Variants in SLC22A7 observed in about 807,000 individuals in gnomAD.
SLC22A7 encodes the protein solute carrier family 22 member 7.
SLC22A7 carries 48 observed loss-of-function variants against 62.2 expected under a neutral mutation model. The observed-to-expected ratio is 0.77, with a 90% CI of 0.61 to 0.98. The LOEUF is 0.98. Ranked by LOEUF, SLC22A7 falls within the 50% of genes least tolerant of loss-of-function variation. The probability of loss-of-function intolerance (pLI) is 0.00; values close to 1 mark genes in which losing one functional copy is unlikely to be tolerated. For synonymous variants in SLC22A7, 276 were observed against 314.8 expected (o/e 0.88, Z 1.30); for missense variants, 581 against 703.8 (o/e 0.83, Z 1.97).
Position 43,299,744 on chromosome 6 carries a change from A to G in SLC22A7, c.621A>G (p.Ser207=). 2 of 1,614,200 alleles carry G rather than the reference A, an allele frequency of 1.2e-6. No homozygotes were observed. Among genetic ancestry groups the G allele is most frequent in the Non-Finnish European group, 1.7e-6 (2 of 1,180,030 alleles). ...CCATCACCCGCACCCTTACTGGCTC[A>G]GCCCTGGCTGGTTTTACCATCATCG... ...MFAITRTLTG[S]ALAGFTIIVM... Residue 207 remains serine (S), a synonymous_variant, in exon 4 of 11, where the codon TCA becomes TCG. Transcript: ENST00000372585. The surrounding 1 kb of genome is among the most constrained non-coding windows in gnomAD (Gnocchi z 4.4).
Position 43,302,435 on chromosome 6 carries a change from T to G in SLC22A7, c.1276+21T>G. ...CTCCGGTGAGCCCAGTCCCATAGGT[T>G]CTGCCCACCCCAGAAGCCGGGCCAG... On this transcript the variant is annotated intron_variant, in intron 8 of 10. Coordinates refer to ENST00000372585, the MANE Select transcript of SLC22A7 (RefSeq NM_153320.2). This position sits in a 1 kb window ranked among gnomAD's most constrained non-coding sequence, Gnocchi z 5.0. The G allele has an allele frequency of 1.3e-6, 2 of 1,525,900 alleles. No individual in the cohort carries two copies. The highest frequency in any genetic ancestry group is 1.8e-6 in the Non-Finnish European group (2 of 1,134,140). The allele number at this position is 1,525,900 out of a possible 1,614,324, so 94.5% of individuals were successfully genotyped here. A position where few individuals can be genotyped will look rare whatever the true frequency, so the allele number is the denominator to read the frequency against.
Position 43,303,985 on chromosome 6 carries a change from C to G in SLC22A7, c.1386-53C>G, listed in dbSNP as rs1778851616. On this transcript the variant is annotated intron_variant, in intron 9 of 10. Transcript: ENST00000372585. ...TGGAGGGAAGCCCTGTGGGGCATGA[C>G]TCCAGGTAGGTGTGAACACCATCTG... The G allele has an allele frequency of 2.3e-5, 33 of 1,418,116 alleles. No individual in the cohort carries two copies. In the South Asian group the frequency reaches 4.3e-4, roughly 19 times the overall value. The allele number at this position is 1,418,116 out of a possible 1,614,324, so 87.8% of individuals were successfully genotyped here. A position where few individuals can be genotyped will look rare whatever the true frequency, so the allele number is the denominator to read the frequency against.
Position 43,298,691 on chromosome 6 carries a change from G to T in SLC22A7, c.333G>T (p.Val111=). 1 of 1,548,646 alleles carries T rather than the reference G, an allele frequency of 6.5e-7. No individual in the cohort carries two copies. Among genetic ancestry groups the T allele is most frequent in the Non-Finnish European group, 8.7e-7 (1 of 1,146,324 alleles). ...AGCTGGAGGATGAACCTGCCACAGT[G>T]CCCTGCTCTCAGGGCTGGGAGTACG... The part of the protein sequence containing the change: ...RGELEDEPAT[V]PCSQGWEYDH... Residue 111 remains valine (V), a synonymous_variant, in exon 1 of 11, where the codon GTG becomes GTT. Transcript: ENST00000372585.
Position 43,302,484 on chromosome 6 carries a change from C to T in SLC22A7, c.1276+70C>T. On this transcript the variant is annotated intron_variant, in intron 8 of 10. Coordinates refer to ENST00000372585, the MANE Select transcript of SLC22A7 (RefSeq NM_153320.2). The surrounding 1 kb of genome is among the most constrained non-coding windows in gnomAD (Gnocchi z 5.0). ...AGGAACCCTGCCCACTCCCCGGAGA[C>T]CCCACCTCCTGGCCAAGAACCCACT... 2 of 1,381,058 alleles carry T rather than the reference C, an allele frequency of 1.4e-6. No individual in the cohort carries two copies. The highest frequency in any genetic ancestry group is 2.2e-5 in the Admixed American group (1 of 44,840). 85.6% of individuals were successfully genotyped at this position (1,381,058 alleles called of 1,614,324 possible). A position where few individuals can be genotyped will look rare whatever the true frequency, so the allele number is the denominator to read the frequency against.
chr6:43,302,838 C>T lies in SLC22A7; in HGVS notation c.1385+75C>T, dbSNP rs1445817315. The stretch of plus-strand genomic sequence containing the variant: ...GTCTTAACCAACACTTCTACATACA[C>T]GCACCACAACCTGGTCTCTCACTCA... On this transcript the variant is annotated intron_variant, in intron 9 of 10. Transcript: ENST00000372585. The surrounding 1 kb of genome is among the most constrained non-coding windows in gnomAD (Gnocchi z 5.0). 1.1e-5 allele frequency: 10 copies of T among 941,896 alleles called. No homozygotes were observed. Among genetic ancestry groups the T allele is most frequent in the South Asian group, 2.9e-5 (2 of 68,680 alleles). 58.3% of individuals were successfully genotyped at this position (941,896 alleles called of 1,614,324 possible). A position where few individuals can be genotyped will look rare whatever the true frequency, so the allele number is the denominator to read the frequency against.
upstream of SLC22A7, among the ~76,000 whole-genome samples, chr6:43,296,480 A>G (rs1778566435): frequency 6.6e-6 from 1 of 152,206 alleles, no homozygotes; most frequent in African/African-American, 2.4e-5. Flanking sequence ...GTGTTATGGT[A>G]TTTTATACAT....
chr6:43,298,704 G>A lies in SLC22A7; in HGVS notation c.346G>A (p.Gly116Ser), dbSNP rs558623833. The change falls in exon 1 of 11, where the codon GGC becomes AGC. Residue 116 changes from glycine to serine, a missense_variant. Gly to Ser is a moderately conservative substitution (Grantham distance 56). Transcript: ENST00000372585. Reference protein sequence around the residue: ...DEPATVPCSQGWEYDHSEFSS... With the variant: ...DEPATVPCSQSWEYDHSEFSS... The stretch of plus-strand genomic sequence containing the variant: ...ACCTGCCACAGTGCCCTGCTCTCAG[G>A]GCTGGGAGTACGACCACTCAGAATT... The A allele has an allele frequency of 2.6e-6, 4 of 1,537,428 alleles. No individual in the cohort carries two copies. The highest frequency in any genetic ancestry group is 2.3e-5 in the East Asian group (1 of 44,256).
chr6:43,299,868 A>AC lies in SLC22A7; in HGVS notation c.659-28dup. 1 of 1,614,136 alleles carries AC rather than the reference A, an allele frequency of 6.2e-7. No homozygotes were observed. Among genetic ancestry groups the AC allele is most frequent in the Middle Eastern group, 1.7e-4 (1 of 6,060 alleles). On this transcript the variant is annotated intron_variant, in intron 4 of 10. Coordinates refer to ENST00000372585, the MANE Select transcript of SLC22A7 (RefSeq NM_153320.2). This position sits in a 1 kb window ranked among gnomAD's most constrained non-coding sequence, Gnocchi z 4.4. ...GGCTGAGCCCATCTGGTCCTCACTA[A>AC]CCATCTTCCTGTCTCCTGTCCTGGC...
At position 43,298,759 on chromosome 6, in the gene SLC22A7, A is replaced by T; in HGVS notation, c.393+8A>T. On this transcript the variant is annotated splice_region_variant and intron_variant, in intron 1 of 10. Coordinates refer to ENST00000372585, the MANE Select transcript of SLC22A7 (RefSeq NM_153320.2). ...TCTACCATTGCAACTGAGGTACTTA[A>T]GCCCAGAAGTTGAGAGACATGTGAG... 6.6e-7 allele frequency: 1 copy of T among 1,517,796 alleles called. No homozygotes were observed. The highest frequency in any genetic ancestry group is 8.8e-7 in the Non-Finnish European group (1 of 1,134,276). 94.0% of individuals were successfully genotyped at this position (1,517,796 alleles called of 1,614,324 possible). A position where few individuals can be genotyped will look rare whatever the true frequency, so the allele number is the denominator to read the frequency against.
Position 43,299,619 on chromosome 6 carries a change from CTTTGCAGG to C in SLC22A7, c.504-3_508del. 6.2e-7 allele frequency: 1 copy of C among 1,614,190 alleles called. No individual in the cohort carries two copies. Among genetic ancestry groups the C allele is most frequent in the Non-Finnish European group, 8.5e-7 (1 of 1,180,032 alleles). On this transcript the variant is annotated splice_acceptor_variant and splice_polypyrimidine_tract_variant and coding_sequence_variant and intron_variant, in exon 4 of 11. Transcript: ENST00000372585. LOFTEE classifies it high-confidence loss of function. The surrounding 1 kb of genome is among the most constrained non-coding windows in gnomAD (Gnocchi z 4.4). The stretch of plus-strand genomic sequence containing the variant: ...ACAGGGAACTGACCCTGCATGACCC[CTTTGCAGG>C]TTTGGGCGGCGGCGTCTGCTGCTGG...
Position 43,299,485 on chromosome 6 carries a change from G to C in SLC22A7, c.495G>C (p.Leu165=). ...TGGGGGCTGTGGCCTTTGGATATCT[G>C]TCCGACAGGTGGGGTGAGGCACTGG... The part of the protein sequence containing the change: ...VLVGAVAFGY[L]SDRFGRRRLL... The change falls in exon 3 of 11, where the codon CTG becomes CTC. Residue 165 remains leucine, a synonymous_variant. Transcript: ENST00000372585. This position sits in a 1 kb window ranked among gnomAD's most constrained non-coding sequence, Gnocchi z 4.4. 1 of 1,611,896 alleles carries C rather than the reference G, an allele frequency of 6.2e-7. No individual in the cohort carries two copies. Among genetic ancestry groups the C allele is most frequent in the Non-Finnish European group, 8.5e-7 (1 of 1,178,672 alleles).
intron 1 of SLC22A7, 108 bp from the exon 2 acceptor site, chr6:43,298,984 G>A (rs941672314): frequency 1.6e-6 from 2 of 1,216,240 alleles, no homozygotes; most frequent in African/African-American, 1.5e-5. Flanking sequence ...AGGCAGGGAA[G>A]GGCTAAAGTG....
At chr6:43,297,675 C>T (rs1778590933), upstream of SLC22A7, among the ~76,000 whole-genome samples, 1 of 152,134 alleles carries the variant, frequency 6.6e-6, no homozygotes, top group Admixed American at 6.5e-5. Context: ...CAGTTGGAAC[C>T]ATATGTATGG....
chr6:43,298,494 G>A lies in SLC22A7; in HGVS notation c.136G>A (p.Ala46Thr), dbSNP rs1778613943. ...LLPIFLAAVP[A>T]HRCALPGAPA... ...GCCCATCTTCCTGGCTGCCGTGCCT[G>A]CCCACCGATGTGCCCTGCCGGGTGC... is the stretch of plus-strand genomic sequence containing the variant. Residue 46 changes from alanine (A) to threonine (T), a missense_variant, in exon 1 of 11, where the codon GCC becomes ACC. Transcript: ENST00000372585. The A allele has an allele frequency of 6.2e-7, 1 of 1,613,480 alleles. No individual in the cohort carries two copies. The highest frequency in any genetic ancestry group is 8.5e-7 in the Non-Finnish European group (1 of 1,180,032).
rs771515636 is a variant in SLC22A7, at chr6:43,302,758, G to A, written c.1380G>A (p.Val460=). Reference sequence around the variant, plus strand: ...TCACTTCAGAGTTGTACCCTACGGTGCTCAGGTGAGGAAGCCTGCAACTGA... The same window carrying A: ...TCACTTCAGAGTTGTACCCTACGGTACTCAGGTGAGGAAGCCTGCAACTGA... ...YLFTSELYPT[V]LRQTGMGLTA... Residue 460 remains valine, a synonymous_variant, in exon 9 of 11, where the codon GTG becomes GTA. Coordinates refer to ENST00000372585, the MANE Select transcript of SLC22A7 (RefSeq NM_153320.2). This position sits in a 1 kb window ranked among gnomAD's most constrained non-coding sequence, Gnocchi z 5.0. The A allele has an allele frequency of 1.7e-5, 28 of 1,603,364 alleles. No homozygotes were observed. The highest frequency in any genetic ancestry group is 2.7e-5 in the African/African-American group (2 of 74,800).
At position 43,304,990 on chromosome 6, in the gene SLC22A7, T is replaced by G; in HGVS notation, c.*265T>G. 2.9e-6 allele frequency: 1 copy of G among 344,440 alleles called. No individual in the cohort carries two copies. The highest frequency in any genetic ancestry group is 5.3e-6 in the Non-Finnish European group (1 of 190,448). The allele number at this position is 344,440 out of a possible 1,614,324, so 21.3% of individuals were successfully genotyped here. A position where few individuals can be genotyped will look rare whatever the true frequency, so the allele number is the denominator to read the frequency against. ...AAAGGTGCCCCTTGGGTTGGGGCAG[T>G]GGTGACGAGCTGTGGGAAGAGCCCT... On this transcript the variant is annotated 3_prime_UTR_variant, in exon 11 of 11. Coordinates refer to ENST00000372585, the MANE Select transcript of SLC22A7 (RefSeq NM_153320.2).
At chr6:43,297,723 G>A (rs1179398948), upstream of SLC22A7, among the ~76,000 whole-genome samples, 2 of 152,208 alleles carry the variant, frequency 1.3e-5, no homozygotes, top group African/African-American at 4.8e-5. Context: ...GGATGAGCCT[G>A]GGATCCTCAG....
In SLC22A7 at chr6:43,302,304, C is replaced by T. The variant is rs1778780961; in HGVS notation, c.1166C>T (p.Ser389Phe). 6.2e-7 allele frequency: 1 copy of T among 1,613,868 alleles called. No homozygotes were observed. The highest frequency in any genetic ancestry group is 8.5e-7 in the Non-Finnish European group (1 of 1,179,988). Reference sequence around the variant, plus strand: ...TTGTTCGGGGCTGTGGAACTGCCCTCCAAGCTGCTGGTCTACTTGTCGGTG... The same window carrying T: ...TTGTTCGGGGCTGTGGAACTGCCCTTCAAGCTGCTGGTCTACTTGTCGGTG... Reference protein sequence around the residue: ...QLLFGAVELPSKLLVYLSVRY... With the variant: ...QLLFGAVELPFKLLVYLSVRY... Residue 389 changes from serine to phenylalanine, a missense_variant, in exon 8 of 11, where the codon TCC (serine) becomes TTC (phenylalanine). Transcript: ENST00000372585. The surrounding 1 kb of genome is among the most constrained non-coding windows in gnomAD (Gnocchi z 5.0).
In SLC22A7 at chr6:43,299,538, T is replaced by C. The variant is rs750241382; in HGVS notation, c.503+45T>C. 7 of 1,605,692 alleles carry C rather than the reference T, an allele frequency of 4.4e-6. No homozygotes were observed. The highest frequency in any genetic ancestry group is 6.0e-6 in the Non-Finnish European group (7 of 1,174,454). ...CAATAAGAAACTGGCTGGGGGAACT[T>C]TCTCCCACTAGCTGGGGTATGAGCC... is the stretch of plus-strand genomic sequence containing the variant. On this transcript the variant is annotated intron_variant, in intron 3 of 10. Transcript: ENST00000372585. The surrounding 1 kb of genome is among the most constrained non-coding windows in gnomAD (Gnocchi z 4.4).
Sources: gnomAD v4.1 joint callset for allele counts (sites outside exome capture counted in the v4.1 genomes callset) on GRCh38, gnomAD v4.1.1 for gene constraint, Gnocchi (gnomAD v3.1) non-coding constraint, MANE v1.5 for transcripts, NCBI Gene and HGNC (gene_info 2026-07-23, HGNC 2026-07-21) for gene names.